PTPRN2: variants seen among roughly 807,000 people sequenced by gnomAD.
PTPRN2 encodes the protein protein tyrosine phosphatase receptor type N2, also known as receptor-type tyrosine-protein phosphatase N2.
In PTPRN2, 74 loss-of-function variants were observed where a neutral mutation model predicts 118.8. That is an observed-to-expected ratio of 0.62 (90% CI 0.52 to 0.76). The LOEUF (loss-of-function observed/expected upper bound fraction) is 0.76. Ranked by LOEUF, PTPRN2 falls within the 30% of genes least tolerant of loss-of-function variation. The pLI is 0.00. For synonymous variants in PTPRN2, 641 were observed against 608.0 expected (o/e 1.05, Z -0.80); for missense variants, 1,481 against 1,394.4 (o/e 1.06, Z -0.99).
At position 158,341,416 on chromosome 7, in the gene PTPRN2, G is replaced by A. The variant is rs1189987209; in HGVS notation, c.164-24484C>T. On this transcript the variant is annotated intron_variant, in intron 2 of 22. Transcript: ENST00000389418. ...ACCATAAGAGCTGTCGCCCGCAGAG[G>A]TCACTCACACCCACACTCTCACCAT... Among the ~76,000 whole-genome samples the A allele has an allele frequency of 5.4e-5, 8 of 147,034 alleles. 1 individual carries two copies. Among genetic ancestry groups the A allele is most frequent in the African/African-American group, 1.0e-4 (4 of 39,394 alleles).
chr7:157,746,454 C>T (rs575271402), intron 12 of PTPRN2, among the ~76,000 whole-genome samples: 1 of 150,618 alleles, frequency 6.6e-6, no homozygotes, highest in Non-Finnish European at 1.5e-5. Context: ...TCCCTACACC[C>T]TACAGTACTC....
intron 4 of PTPRN2, among the ~76,000 whole-genome samples, chr7:158,194,818 G>T (rs1826081829): frequency 6.6e-6 from 1 of 152,204 alleles, no homozygotes; most frequent in Admixed American, 6.5e-5. Flanking sequence ...ACGTTTAACT[G>T]ACCACAGGTT....
At chr7:158,365,694 A>G (rs1362134853) in intron 2 of PTPRN2, among the ~76,000 whole-genome samples, 18 of 140,444 alleles carry the variant, frequency 1.3e-4, no homozygotes, top group South Asian at 4.5e-4. Flanking sequence ...CCGCAGCCCA[A>G]TGCACACATG....
chr7:157,951,694 C>A (rs1800820894), intron 11 of PTPRN2, among the ~76,000 whole-genome samples: 2 of 152,382 alleles, frequency 1.3e-5, no homozygotes, highest in South Asian at 4.1e-4. Context: ...TCAGGCACTG[C>A]CAGTGACATT....
At chr7:158,533,986 G>T (rs1689934119) in intron 1 of PTPRN2, among the ~76,000 whole-genome samples, 2 of 152,288 alleles carry the variant, frequency 1.3e-5, no homozygotes, top group Admixed American at 1.3e-4. Flanking sequence ...GGCCTCCACT[G>T]GCCAGTGCAG....
Position 157,794,718 on chromosome 7 carries a change from C to G in PTPRN2, c.1788+103955G>C, listed in dbSNP as rs1804755513. Among the ~76,000 whole-genome samples, 1 of 152,196 alleles carries G rather than the reference C, an allele frequency of 6.6e-6. No individual in the cohort carries two copies. The highest frequency in any genetic ancestry group is 1.5e-5 in the Non-Finnish European group (1 of 68,042). ...GCTCAAGGAGCCTGAAGACACCCAGCCTGAAACCACGATAAATGTGTGGAG... is the reference window on the plus strand; with the variant it reads ...GCTCAAGGAGCCTGAAGACACCCAGGCTGAAACCACGATAAATGTGTGGAG... On this transcript the variant is annotated intron_variant, in intron 12 of 22. Transcript: ENST00000389418. The surrounding 1 kb of genome is among the most constrained non-coding windows in gnomAD (Gnocchi z 5.2).
intron 12 of PTPRN2, among the ~76,000 whole-genome samples, chr7:157,721,813 C>A (rs1799252254): frequency 6.6e-6 from 1 of 152,198 alleles, no homozygotes; most frequent in Non-Finnish European, 1.5e-5. Flanking sequence ...GGGCCTGGGG[C>A]TCCCGCTGGA....
At chr7:158,324,118 C>T (rs904670627) in intron 2 of PTPRN2, among the ~76,000 whole-genome samples, 10 of 152,166 alleles carry the variant, frequency 6.6e-5, no homozygotes, top group Non-Finnish European at 1.3e-4. Context: ...CACAAGCGCA[C>T]ATGCACAAAC....
In PTPRN2 at chr7:157,785,132, G is replaced by A. The variant is rs564164314; in HGVS notation, c.1789-102195C>T. Among the ~76,000 whole-genome samples the A allele has an allele frequency of 1.8e-3, 268 of 152,190 alleles. 1 individual carries two copies. Among genetic ancestry groups the A allele is most frequent in the African/African-American group, 6.3e-3 (262 of 41,518 alleles). On this transcript the variant is annotated intron_variant, in intron 12 of 22. Transcript: ENST00000389418. This position sits in a 1 kb window ranked among gnomAD's most constrained non-coding sequence, Gnocchi z 7.3. ...AGAATGTTGGCACAGCGGCGAGAAG[G>A]CTGACCGAACACCGAGAAGCAGCCA...
intron 12 of PTPRN2, among the ~76,000 whole-genome samples, chr7:157,707,992 C>A (rs1798418529): frequency 6.6e-6 from 1 of 152,276 alleles, no homozygotes; most frequent in African/African-American, 2.4e-5. Flanking sequence ...TTTATGATCT[C>A]ATTTCAGCAA....
At chr7:157,552,809 C>T (rs1798699323) in intron 21 of PTPRN2, among the ~76,000 whole-genome samples, 1 of 152,218 alleles carries the variant, frequency 6.6e-6, no homozygotes. Flanking sequence ...GCTCCGCGTG[C>T]CTATGCTGGG....
intron 11 of PTPRN2, among the ~76,000 whole-genome samples, chr7:157,982,784 TCA>T (rs1170550004): frequency 1.2e-4 from 9 of 73,984 alleles, no homozygotes; most frequent in African/African-American, 5.0e-4. Flanking sequence ...AAACCCCGAG[TCA>T]CAGAGACGAG....
intron 12 of PTPRN2, among the ~76,000 whole-genome samples, chr7:157,811,730 A>G (rs1444752928): frequency 6.6e-6 from 1 of 152,142 alleles, no homozygotes; most frequent in Non-Finnish European, 1.5e-5. Context: ...GACTCCACGC[A>G]GTGGCTTCCT....
intron 1 of PTPRN2, among the ~76,000 whole-genome samples, chr7:158,524,872 T>A (rs1824651795): frequency 6.6e-6 from 1 of 151,368 alleles, no homozygotes; most frequent in Admixed American, 6.6e-5. Flanking sequence ...GATCCATATT[T>A]GGTTGGAAAG....
chr7:158,134,186 G>A, intron 8 of PTPRN2, 127 bp from the exon 9 acceptor site: 3 of 1,098,232 alleles, frequency 2.7e-6, no homozygotes, highest in Non-Finnish European at 3.9e-6. Context: ...GAGAGTGTGG[G>A]AGGAAGGCGA....
intron 2 of PTPRN2, among the ~76,000 whole-genome samples, chr7:158,470,051 T>A (rs964274660): frequency 5.3e-5 from 8 of 152,262 alleles, no homozygotes; most frequent in African/African-American, 1.9e-4. Context: ...CATAAAAGAA[T>A]TGGGAGCTGG....
chr7:157,679,873 G>T (rs1400294239), intron 13 of PTPRN2, among the ~76,000 whole-genome samples: 1 of 152,082 alleles, frequency 6.6e-6, no homozygotes, highest in Non-Finnish European at 1.5e-5. Context: ...GAGGACATGA[G>T]GATTCACCTT....
rs533730489 is a variant in PTPRN2 at position 157,813,886 on chromosome 7, C to T, written c.1788+84787G>A. The stretch of plus-strand genomic sequence containing the variant: ...GGCTGGGCCCAAGAACGTGCATTTG[C>T]GTTGTTCCCCAGGTGATGCTGCTGG... On this transcript the variant is annotated intron_variant, in intron 12 of 22. Transcript: ENST00000389418. This position sits in a 1 kb window ranked among gnomAD's most constrained non-coding sequence, Gnocchi z 4.7. 7.2e-5 allele frequency among the ~76,000 whole-genome samples: 11 copies of T among 152,356 alleles called. No homozygotes were observed. Among genetic ancestry groups the T allele is most frequent in the Admixed American group, 4.6e-4 (7 of 15,306 alleles).
chr7:158,090,068 C>T lies in PTPRN2; in HGVS notation c.1644-8691G>A, dbSNP rs368539276. 4.3e-5 allele frequency among the ~76,000 whole-genome samples: 4 copies of T among 92,390 alleles called. 2 individuals carry two copies. The Admixed American group carries it at 4.4e-4, about 10-fold the overall frequency. 60.6% of individuals were successfully genotyped at this position (92,390 alleles called of 152,430 possible). On this transcript the variant is annotated intron_variant, in intron 10 of 22. Transcript: ENST00000389418. ...GAGGGAGTCTTCACACAAACCCTTC[C>T]TCCCCTGATGAAAGAGGGGGTCTTC...
Sources: allele counts gnomAD v4.1 joint callset (sites outside exome capture counted in the v4.1 genomes callset), GRCh38; gene constraint gnomAD v4.1.1; non-coding constraint Gnocchi (gnomAD v3.1); transcripts MANE v1.5; gene names NCBI Gene and HGNC (gene_info 2026-07-23, HGNC 2026-07-21).